The following PLXNC1 variants were observed in gnomAD, a reference collection of about 807,000 sequenced individuals.
PLXNC1 encodes the protein plexin-C1.
A neutral mutation model predicts 178.2 loss-of-function variants in PLXNC1; 75 were observed. That is an observed-to-expected ratio of 0.42 (90% CI 0.35 to 0.51). The LOEUF (loss-of-function observed/expected upper bound fraction) is 0.51. Among genes scored for constraint, PLXNC1 ranks in the 20% least tolerant of loss-of-function variants. PLXNC1 has a pLI of 0.02. For missense variants in PLXNC1, 1,503 were observed against 1,984.4 expected (o/e 0.76, Z 4.61); for synonymous variants, 790 against 779.9 (o/e 1.01, Z -0.22).
intron 7 of PLXNC1, among the ~76,000 whole-genome samples, chr12:94,226,036 C>T (rs1406599587): frequency 6.6e-6 from 1 of 152,236 alleles, no homozygotes; most frequent in East Asian, 1.9e-4. Flanking sequence ...TTTTAACATT[C>T]CTTCTCATAA....
chr12:94,226,623 A>T lies in PLXNC1; in HGVS notation c.1809A>T (p.Glu603Asp). The change falls in exon 8 of 31, where the codon GAA becomes GAT. Residue 603 changes from glutamate (E) to aspartate (D), a missense_variant. Physicochemically the swap from Glu to Asp is conservative, Grantham distance 45. Coordinates refer to ENST00000258526, the MANE Select transcript of PLXNC1 (RefSeq NM_005761.3). The stretch of plus-strand genomic sequence containing the variant: ...TTGCTAGATGCCCAGCATGCGTAGA[A>T]ACTGGCTGCGCGTGGTGTAAAAGTG... ...SSLKECPACV[E>D]TGCAWCKSAR... 6.2e-7 allele frequency: 1 copy of T among 1,613,464 alleles called. No individual in the cohort carries two copies. Among genetic ancestry groups the T allele is most frequent in the Non-Finnish European group, 8.5e-7 (1 of 1,179,466 alleles).
At chr12:94,156,500 CA>C (rs553358294) in intron 1 of PLXNC1, among the ~76,000 whole-genome samples, 60 of 136,466 alleles carry the variant, frequency 4.4e-4, no homozygotes, top group African/African-American at 1.5e-3. Context: ...TTTCTTGAAA[CA>C]GGGTCTCATT....
chr12:94,285,283 C>T (rs763659816), intron 23 of PLXNC1, among the ~76,000 whole-genome samples: 1 of 152,308 alleles, frequency 6.6e-6, no homozygotes, highest in South Asian at 2.1e-4. Flanking sequence ...CTGCCAGATT[C>T]TCCCCTTGCC....
chr12:94,254,923 C>A (rs576430699), intron 16 of PLXNC1, 35 bp downstream of exon 16: 34 of 1,479,178 alleles, frequency 2.3e-5, no homozygotes, highest in African/African-American at 8.3e-5. Context: ...GAAAAACAAG[C>A]CTTTTATATT....
chr12:94,213,843 A>G (rs1963563640), intron 5 of PLXNC1, among the ~76,000 whole-genome samples: 1 of 151,400 alleles, frequency 6.6e-6, no homozygotes, highest in Non-Finnish European at 1.5e-5. Flanking sequence ...AGGTGTAAGG[A>G]AGGGATCCAG....
At chr12:94,273,449 T>G (rs1162415526) in intron 21 of PLXNC1, among the ~76,000 whole-genome samples, 1 of 152,108 alleles carries the variant, frequency 6.6e-6, no homozygotes, top group Admixed American at 6.5e-5. Context: ...GTCTCCATGG[T>G]CTAGGGGCCT....
intron 21 of PLXNC1, among the ~76,000 whole-genome samples, chr12:94,268,438 G>A (rs990700845): frequency 2.0e-5 from 3 of 152,074 alleles, no homozygotes; most frequent in Non-Finnish European, 4.4e-5. Context: ...ATTCCAGGCT[G>A]GTGTTTAATG....
intron 4 of PLXNC1, among the ~76,000 whole-genome samples, chr12:94,187,812 T>C (rs905738695): frequency 2.6e-5 from 4 of 152,130 alleles, no homozygotes; most frequent in Non-Finnish European, 5.9e-5. Flanking sequence ...TTGGGAGATC[T>C]CCAAGCTGGT....
At chr12:94,214,881 A>G (rs1963597866) in intron 5 of PLXNC1, among the ~76,000 whole-genome samples, 1 of 151,522 alleles carries the variant, frequency 6.6e-6, no homozygotes, top group South Asian at 2.1e-4. Context: ...TAGATAGCAG[A>G]GCAGTGGTGT....
At chr12:94,170,229 C>A (rs909624829) in intron 2 of PLXNC1, among the ~76,000 whole-genome samples, 3 of 152,148 alleles carry the variant, frequency 2.0e-5, no homozygotes, top group African/African-American at 7.2e-5. Context: ...CCTCTCTGAG[C>A]CTTCATTTCC....
At chr12:94,204,421 T>C (rs960495461) in intron 4 of PLXNC1, among the ~76,000 whole-genome samples, 2 of 152,246 alleles carry the variant, frequency 1.3e-5, no homozygotes, top group Non-Finnish European at 2.9e-5. Context: ...GCCTGGCATG[T>C]TAGATGTTTT....
chr12:94,205,618 C>T (rs1963276486), intron 4 of PLXNC1, among the ~76,000 whole-genome samples: 1 of 152,186 alleles, frequency 6.6e-6, no homozygotes, highest in African/African-American at 2.4e-5. Flanking sequence ...GAAATTTTAA[C>T]CTCTTGCTAG....
At position 94,220,006 on chromosome 12, in the gene PLXNC1, C is replaced by T. The variant is rs772647478; in HGVS notation, c.1555-10C>T. 2.3e-5 allele frequency: 37 copies of T among 1,613,256 alleles called. No individual in the cohort carries two copies. The highest frequency in any genetic ancestry group is 1.9e-4 in the South Asian group (17 of 91,028). On this transcript the variant is annotated splice_polypyrimidine_tract_variant and intron_variant, in intron 5 of 30. Coordinates refer to ENST00000258526, the MANE Select transcript of PLXNC1 (RefSeq NM_005761.3). ...AATCATCATTTTTTCCCCATATCTT[C>T]CCCGCACAGACTACAGTGACTATGG...
chr12:94,184,597 A>G (rs934171953), intron 3 of PLXNC1, among the ~76,000 whole-genome samples: 1 of 151,094 alleles, frequency 6.6e-6, no homozygotes, highest in Non-Finnish European at 1.5e-5. Flanking sequence ...TAAATTTTGT[A>G]TTTTTAGTAG....
At chr12:94,243,238 C>T (rs1442241442) in intron 11 of PLXNC1, among the ~76,000 whole-genome samples, 3 of 152,342 alleles carry the variant, frequency 2.0e-5, no homozygotes, top group African/African-American at 4.8e-5. Context: ...TTGGACCTGA[C>T]GTACCCAGGC....
At chr12:94,292,041 G>C (rs1967389475) in intron 23 of PLXNC1, among the ~76,000 whole-genome samples, 1 of 152,168 alleles carries the variant, frequency 6.6e-6, no homozygotes, top group Admixed American at 6.5e-5. Context: ...CCATGCTGTA[G>C]CATGTATCGG....
At chr12:94,197,877 G>C (rs374061217) in intron 4 of PLXNC1, among the ~76,000 whole-genome samples, 2 of 152,196 alleles carry the variant, frequency 1.3e-5, no homozygotes, top group Admixed American at 6.5e-5. Context: ...TGGAGCATTT[G>C]TGATAACTGC....
chr12:94,189,036 G>A (rs554731436), intron 4 of PLXNC1, among the ~76,000 whole-genome samples: 4 of 152,338 alleles, frequency 2.6e-5, no homozygotes, highest in South Asian at 4.1e-4. Context: ...AATATCGAGC[G>A]GTTGCCAGGA....
intron 21 of PLXNC1, among the ~76,000 whole-genome samples, chr12:94,278,997 C>A (rs1592893305): frequency 1.3e-5 from 2 of 149,294 alleles, no homozygotes; most frequent in African/African-American, 2.5e-5. Context: ...GACTCCATCT[C>A]AAAAAAAAAA....
Sources: allele counts gnomAD v4.1 joint callset (sites outside exome capture counted in the v4.1 genomes callset), GRCh38; gene constraint gnomAD v4.1.1; transcripts MANE v1.5; gene names NCBI Gene and HGNC (gene_info 2026-07-23, HGNC 2026-07-21).